ATP6V1A: variants seen among roughly 807,000 people sequenced by gnomAD.
The protein encoded by ATP6V1A is V-type proton ATPase catalytic subunit A.
ATP6V1A carries 18 observed loss-of-function variants against 70.1 expected under a neutral mutation model. The ratio of observed to expected loss-of-function variants is 0.26; its 90% confidence interval spans 0.18 to 0.38. The LOEUF is 0.38. ATP6V1A is among the 10% of genes least tolerant of loss of function. The pLI is 1.00. For synonymous variants in ATP6V1A, 232 were observed against 253.8 expected (o/e 0.91, Z 0.82); for missense variants, 424 against 772.4 (o/e 0.55, Z 5.35).
chr3:113,808,646 C>G (rs1406448604), intron 14 of ATP6V1A, among the ~76,000 whole-genome samples: 1 of 151,998 alleles, frequency 6.6e-6, no homozygotes, highest in Non-Finnish European at 1.5e-5. Context: ...ACTTTTCCAT[C>G]CCAGTGTGAT....
chr3:113,810,683 A>G lies in ATP6V1A; in HGVS notation c.*1256A>G, dbSNP rs1709331827. 1 of 152,208 alleles carries G rather than the reference A, an allele frequency of 6.6e-6. No individual in the cohort carries two copies. Among genetic ancestry groups the G allele is most frequent in the South Asian group, 2.1e-4 (1 of 4,830 alleles). 9.4% of individuals were successfully genotyped at this position (152,208 alleles called of 1,614,324 possible). A position where few individuals can be genotyped will look rare whatever the true frequency, so the allele number is the denominator to read the frequency against. On this transcript the variant is annotated 3_prime_UTR_variant, in exon 15 of 15. Coordinates refer to ENST00000273398, the MANE Select transcript of ATP6V1A (RefSeq NM_001690.4). ...ATACCAGAGAAGATGTTTAGTAGCA[A>G]TTAAAGGCTGTTTGCACCTTTAAGG...
intron 1 of ATP6V1A, among the ~76,000 whole-genome samples, chr3:113,758,031 C>A (rs1244247424): frequency 6.6e-6 from 1 of 152,102 alleles, no homozygotes; most frequent in African/African-American, 2.4e-5. Context: ...GTAGTCCCAG[C>A]TACTCAGGAG....
chr3:113,793,715 GA>G, intron 8 of ATP6V1A, among the ~76,000 whole-genome samples: 1 of 152,210 alleles, frequency 6.6e-6, no homozygotes, highest in African/African-American at 2.4e-5. Flanking sequence ...CCATTTTATG[GA>G]TGCCTGAACA....
chr3:113,786,479 A>G lies in ATP6V1A; in HGVS notation c.716+96A>G, dbSNP rs539732149. ...TAGATAAAGGGCTTATGTGTTTAAC[A>G]CTATAATACATTTTATCTAGAGTAA... On this transcript the variant is annotated intron_variant, in intron 6 of 14. Transcript: ENST00000273398. 1.6e-5 allele frequency: 20 copies of G among 1,219,608 alleles called. No homozygotes were observed. The East Asian group carries it at 4.6e-4, about 28-fold the overall frequency. The allele number at this position is 1,219,608 out of a possible 1,614,324, so 75.5% of individuals were successfully genotyped here. A position where few individuals can be genotyped will look rare whatever the true frequency, so the allele number is the denominator to read the frequency against.
chr3:113,756,708 TC>T (rs1364732658), intron 1 of ATP6V1A, among the ~76,000 whole-genome samples: 27 of 152,244 alleles, frequency 1.8e-4, no homozygotes, highest in African/African-American at 6.3e-4. Flanking sequence ...ACATTGAAAT[TC>T]TATCAATCGA....
intron 8 of ATP6V1A, 111 bp downstream of exon 8, chr3:113,789,951 A>G: frequency 1.3e-6 from 1 of 743,250 alleles, no homozygotes; most frequent in Non-Finnish European, 2.2e-6. Context: ...CTCTGTACAT[A>G]TAAGCACATT....
At chr3:113,788,317 C>CTTTATTTTTATTTATA (rs1709057869) in intron 6 of ATP6V1A, among the ~76,000 whole-genome samples, 1 of 151,512 alleles carries the variant, frequency 6.6e-6, no homozygotes, top group Non-Finnish European at 1.5e-5. Context: ...TCCTTACCTA[C>CTTTATTTTTATTTATA]TTTATTTTTA....
At chr3:113,789,060 T>C (rs1709066635) in intron 7 of ATP6V1A, among the ~76,000 whole-genome samples, 185 bp downstream of exon 7, 1 of 152,170 alleles carries the variant, frequency 6.6e-6, no homozygotes, top group Non-Finnish European at 1.5e-5. Context: ...ATTTTTTGTG[T>C]GTGTGTGATG....
intron 1 of ATP6V1A, among the ~76,000 whole-genome samples, chr3:113,775,674 G>T (rs1708902923): frequency 6.6e-6 from 1 of 152,208 alleles, no homozygotes; most frequent in Non-Finnish European, 1.5e-5. Context: ...GGACCAGGAT[G>T]TGATCCCAAG....
Position 113,784,807 on chromosome 3 carries a change from G to C in ATP6V1A, c.538G>C (p.Ala180Pro). The part of the protein sequence containing the change: ...PRNRGTVTYI[A>P]PPGNYDTSDV... The stretch of plus-strand genomic sequence containing the variant: ...AAACAGAGGAACTGTAACTTACATT[G>C]CTCCACCTGGGAATTATGATACCTC... The change falls in exon 5 of 15, where the codon GCT becomes CCT. Residue 180 changes from alanine to proline, a missense_variant. This residue lies in a region of ATP6V1A where 139 missense variants were observed against 163.5 expected (regional missense o/e 0.85). Coordinates refer to ENST00000273398, the MANE Select transcript of ATP6V1A (RefSeq NM_001690.4). The C allele has an allele frequency of 1.2e-6, 2 of 1,614,082 alleles. No individual in the cohort carries two copies. The highest frequency in any genetic ancestry group is 1.7e-6 in the Non-Finnish European group (2 of 1,179,990).
chr3:113,784,496 T>A (rs1709016277), intron 4 of ATP6V1A, 58 bp downstream of exon 4: 1 of 1,506,168 alleles, frequency 6.6e-7, no homozygotes, highest in Admixed American at 1.8e-5. Context: ...AATGAATGTT[T>A]AGTAAACTAC....
intron 2 of ATP6V1A, chr3:113,780,705 T>C (rs1708968431): frequency 7.8e-7 from 1 of 1,276,642 alleles, no homozygotes; most frequent in Non-Finnish European, 1.0e-6. Flanking sequence ...ATTTCTACTT[T>C]TAAAAGTTTT....
intron 12 of ATP6V1A, 141 bp downstream of exon 12, chr3:113,798,587 A>G (rs1280185231): frequency 1.5e-6 from 1 of 667,728 alleles, no homozygotes; most frequent in Non-Finnish European, 2.2e-6. Context: ...TTTTCTATTC[A>G]TTATAGTACT....
chr3:113,770,938 C>CA (rs1252486658), intron 1 of ATP6V1A, among the ~76,000 whole-genome samples: 4 of 151,638 alleles, frequency 2.6e-5, no homozygotes, highest in African/African-American at 4.8e-5. Context: ...ACTAAAAATA[C>CA]AAAAAAATTA....
intron 1 of ATP6V1A, among the ~76,000 whole-genome samples, chr3:113,750,243 G>T (rs1708570567): frequency 6.6e-6 from 1 of 152,154 alleles, no homozygotes; most frequent in South Asian, 2.1e-4. Flanking sequence ...GCTTTGGGAG[G>T]CCAAGGCGGG....
At chr3:113,777,255 T>A (rs566275868) in intron 1 of ATP6V1A, among the ~76,000 whole-genome samples, 2 of 152,350 alleles carry the variant, frequency 1.3e-5, no homozygotes, top group South Asian at 4.1e-4. Context: ...CTTAAACTAT[T>A]CTGTGTGTTC....
At position 113,784,732 on chromosome 3, in the gene ATP6V1A, A is replaced by G; in HGVS notation, c.463A>G (p.Ile155Val). 1.2e-6 allele frequency: 2 copies of G among 1,614,102 alleles called. No homozygotes were observed. Among genetic ancestry groups the G allele is most frequent in the South Asian group, 2.2e-5 (2 of 91,082 alleles). Reference protein sequence around the residue: ...SHITGGDIYGIVSENSLIKHK... With the variant: ...SHITGGDIYGVVSENSLIKHK... The stretch of plus-strand genomic sequence containing the variant: ...TATCACTGGCGGAGACATTTATGGA[A>G]TTGTCAGTGAGAACTCGCTTATCAA... Residue 155 changes from isoleucine to valine, a missense_variant, in exon 5 of 15, where the codon ATT (isoleucine) becomes GTT (valine). Ile to Val is a conservative substitution (Grantham distance 29). Coordinates refer to ENST00000273398, the MANE Select transcript of ATP6V1A (RefSeq NM_001690.4).
chr3:113,796,937 T>C (rs1313948662), intron 11 of ATP6V1A, among the ~76,000 whole-genome samples: 1 of 152,216 alleles, frequency 6.6e-6, no homozygotes, highest in African/African-American at 2.4e-5. Flanking sequence ...TTAGATGTTT[T>C]TGTTTTGTTT....
intron 1 of ATP6V1A, among the ~76,000 whole-genome samples, chr3:113,756,618 G>A (rs1056826942): frequency 4.6e-5 from 7 of 152,162 alleles, no homozygotes; most frequent in African/African-American, 1.7e-4. Context: ...AGTATGAGAG[G>A]TGTGACCTTT....
Sources: gnomAD v4.1 joint callset for allele counts (sites outside exome capture counted in the v4.1 genomes callset) on GRCh38, gnomAD v4.1.1 for gene constraint, gnomAD v4.1.1 regional missense constraint, MANE v1.5 for transcripts, NCBI Gene and HGNC (gene_info 2026-07-23, HGNC 2026-07-21) for gene names.